OR1F1: variants seen among roughly 807,000 people sequenced by gnomAD.
OR1F1 encodes the protein olfactory receptor family 1 subfamily F member 1.
For synonymous variants in OR1F1, 184 were observed against 156.7 expected (o/e 1.17, Z -1.30); for missense variants, 493 against 376.3 (o/e 1.31, Z -2.57).
chr16:3,192,044 A>AT, the OR1F1 span, among the ~76,000 whole-genome samples: 1 of 152,068 alleles, frequency 6.6e-6, no homozygotes, highest in African/African-American at 2.4e-5. Context: ...TCCCGGGTTC[A>AT]AATCCCGGAC....
exon 1 of OR1F1, chr16:3,204,263 A>G (rs749231346): frequency 5.0e-5 from 81 of 1,608,668 alleles, no homozygotes; most frequent in Non-Finnish European, 6.7e-5. Context: ...GGGACAAACC[A>G]GTCGAGTGTC....
chr16:3,201,324 G>C (rs1454022964), upstream of OR1F1, among the ~76,000 whole-genome samples: 6 of 152,054 alleles, frequency 3.9e-5, no homozygotes, highest in African/African-American at 1.4e-4. Context: ...CAATTCTTTT[G>C]GGTACAAACC....
chr16:3,188,654 C>G, the OR1F1 span, among the ~76,000 whole-genome samples: 1 of 152,060 alleles, frequency 6.6e-6, no homozygotes, highest in African/African-American at 2.4e-5. Flanking sequence ...TCCCCACCCC[C>G]AGACCCCGGG....
At chr16:3,200,303 T>G (rs1276003442), upstream of OR1F1, among the ~76,000 whole-genome samples, 9 of 152,070 alleles carry the variant, frequency 5.9e-5, no homozygotes, top group Admixed American at 5.9e-4. Flanking sequence ...AGGGATATGT[T>G]TTTTACTATT....
At chr16:3,191,486 A>G in the OR1F1 span, 2 of 152,048 alleles carry the variant, frequency 1.3e-5, no homozygotes, top group African/African-American at 2.4e-5. Flanking sequence ...CTAGACATAA[A>G]ACGTTCCCAG....
At chr16:3,198,111 G>C in the OR1F1 span, among the ~76,000 whole-genome samples, 1 of 150,204 alleles carries the variant, frequency 6.7e-6, no homozygotes, top group Non-Finnish European at 1.5e-5. Flanking sequence ...GAAGGAGAGG[G>C]AGAAGGAGAG....
At chr16:3,204,996 C>T in exon 1 of OR1F1, 2 of 1,614,146 alleles carry the variant, frequency 1.2e-6, no homozygotes, top group African/African-American at 1.3e-5. Flanking sequence ...TGGTTCTCCT[C>T]TTCTACAGCA....
At chr16:3,191,686 G>A in the OR1F1 span, among the ~76,000 whole-genome samples, 315 of 152,066 alleles carry the variant, frequency 2.1e-3, 1 homozygote, top group African/African-American at 7.2e-3. Flanking sequence ...TTGAATTTTG[G>A]TCTCCGCGCG....
chr16:3,192,041 T>C, the OR1F1 span, among the ~76,000 whole-genome samples: 1 of 151,898 alleles, frequency 6.6e-6, no homozygotes. Context: ...AGGTCCCGGG[T>C]TCAAATCCCG....
chr16:3,191,504 C>T, the OR1F1 span, among the ~76,000 whole-genome samples: 3 of 152,276 alleles, frequency 2.0e-5, no homozygotes, highest in South Asian at 4.1e-4. Flanking sequence ...CAGGGAAGCC[C>T]GGCTAGCTCA....
chr16:3,191,503 C>T, the OR1F1 span, among the ~76,000 whole-genome samples: 4 of 152,156 alleles, frequency 2.6e-5, no homozygotes, highest in Non-Finnish European at 5.9e-5. Flanking sequence ...CCAGGGAAGC[C>T]CGGCTAGCTC....
the OR1F1 span, among the ~76,000 whole-genome samples, chr16:3,190,749 T>TA: frequency 0.25 from 23,327 of 92,054 alleles, 3,082 homozygotes; most frequent in Middle Eastern, 0.29. Flanking sequence ...AGACTCTATC[T>TA]AAAAAAAAAA....
chr16:3,189,288 C>A, the OR1F1 span, among the ~76,000 whole-genome samples: 24 of 152,276 alleles, frequency 1.6e-4, no homozygotes, highest in Admixed American at 1.0e-3. Flanking sequence ...AGACCCTCAG[C>A]GCAGCCGCTG....
chr16:3,195,982 T>A, the OR1F1 span, among the ~76,000 whole-genome samples: 4 of 152,154 alleles, frequency 2.6e-5, no homozygotes, highest in South Asian at 8.3e-4. Flanking sequence ...GACCCCAGAG[T>A]CTCTGTGCCA....
chr16:3,196,205 G>C, the OR1F1 span, among the ~76,000 whole-genome samples: 3 of 152,202 alleles, frequency 2.0e-5, no homozygotes, highest in Admixed American at 6.5e-5. Context: ...AGGGTCGTGG[G>C]TTTGAGCCCT....
chr16:3,189,394 T>C, the OR1F1 span, among the ~76,000 whole-genome samples: 1 of 152,096 alleles, frequency 6.6e-6, no homozygotes, highest in Non-Finnish European at 1.5e-5. Context: ...CGAGTGGCGG[T>C]GGCGGGCGAG....
the OR1F1 span, among the ~76,000 whole-genome samples, chr16:3,194,025 T>G: frequency 8.5e-5 from 13 of 152,116 alleles, no homozygotes; most frequent in East Asian, 2.5e-3. Flanking sequence ...TGGGGTAAGG[T>G]ATCACGCCTT....
chr16:3,194,940 A>G, the OR1F1 span, among the ~76,000 whole-genome samples: 7 of 151,930 alleles, frequency 4.6e-5, no homozygotes, highest in African/African-American at 1.7e-4. Context: ...TCTGATAGTG[A>G]CTCCTGGGCA....
chr16:3,193,439 G>A, the OR1F1 span, among the ~76,000 whole-genome samples: 1 of 152,228 alleles, frequency 6.6e-6, no homozygotes, highest in African/African-American at 2.4e-5. Context: ...GCTCCGCGAA[G>A]CCCATGCGGG....
Sources: gnomAD v4.1 joint callset for allele counts (sites outside exome capture counted in the v4.1 genomes callset) on GRCh38, gnomAD v4.1.1 for gene constraint, MANE v1.5 for transcripts, NCBI Gene and HGNC (gene_info 2026-07-23, HGNC 2026-07-21) for gene names.